Variants in SUGCT observed in about 807,000 individuals in gnomAD.
SUGCT encodes the protein succinyl-CoA:glutarate CoA-transferase.
Under a neutral mutation model 55.0 loss-of-function variants are expected in SUGCT, and 41 were observed. That is an observed-to-expected ratio of 0.74 (90% CI 0.58 to 0.97). The LOEUF is 0.97. Ranked by LOEUF, SUGCT falls within the 50% of genes least tolerant of loss-of-function variation. SUGCT has a pLI of 0.00. For synonymous variants in SUGCT, 187 were observed against 200.4 expected (o/e 0.93, Z 0.56); for missense variants, 568 against 547.8 (o/e 1.04, Z -0.37).
chr7:40,771,873 C>T (rs1002784352), intron 13 of SUGCT, among the ~76,000 whole-genome samples: 2 of 152,162 alleles, frequency 1.3e-5, no homozygotes, highest in Non-Finnish European at 2.9e-5. Flanking sequence ...GTTATTTCTT[C>T]AGGGTATTCG....
chr7:40,183,684 G>T (rs534957513), intron 3 of SUGCT, among the ~76,000 whole-genome samples: 2 of 152,096 alleles, frequency 1.3e-5, no homozygotes, highest in Non-Finnish European at 2.9e-5. Context: ...AATTTTAAAG[G>T]TTTTGAAGCG....
At chr7:40,446,898 G>C (rs1788869798) in intron 9 of SUGCT, among the ~76,000 whole-genome samples, 1 of 152,160 alleles carries the variant, frequency 6.6e-6, no homozygotes. Flanking sequence ...TTGAATGCTT[G>C]ATATTTAGCT....
At position 40,778,109 on chromosome 7, in the gene SUGCT, A is replaced by G. The variant is rs536969098; in HGVS notation, c.1153+28612A>G. ...AGAGGACTGGGACACAGCATCTCTG[A>G]TCATAGTGTCACATGGACTGAAAGC... is the stretch of plus-strand genomic sequence containing the variant. On this transcript the variant is annotated intron_variant, in intron 13 of 13. Transcript: ENST00000335693. Among the ~76,000 whole-genome samples, 6 of 152,322 alleles carry G rather than the reference A, an allele frequency of 3.9e-5. No homozygotes were observed. In the East Asian group the frequency reaches 1.2e-3, roughly 29 times the overall value.
chr7:40,875,253 G>A, the SUGCT span, among the ~76,000 whole-genome samples: 2 of 152,194 alleles, frequency 1.3e-5, no homozygotes, highest in African/African-American at 2.4e-5. Flanking sequence ...GGACTGTTGA[G>A]AAAACTCACT....
the SUGCT span, among the ~76,000 whole-genome samples, chr7:40,949,248 G>A: frequency 4.1e-4 from 63 of 152,330 alleles, no homozygotes; most frequent in Middle Eastern, 0.01. Flanking sequence ...CTGCATAAAT[G>A]TCTTCTTTTG....
the SUGCT span, among the ~76,000 whole-genome samples, chr7:40,983,531 C>T: frequency 8.0e-4 from 122 of 152,296 alleles, 1 homozygote; most frequent in African/African-American, 2.9e-3. Context: ...CTGGTGCTCA[C>T]TTAGTGAGAC....
intron 12 of SUGCT, among the ~76,000 whole-genome samples, chr7:40,613,819 A>G (rs912348989): frequency 6.6e-6 from 1 of 152,122 alleles, no homozygotes; most frequent in Non-Finnish European, 1.5e-5. Flanking sequence ...CATGTTGGTC[A>G]GGCTGGTCTC....
At chr7:40,648,839 G>T (rs539584425) in intron 12 of SUGCT, among the ~76,000 whole-genome samples, 6 of 152,306 alleles carry the variant, frequency 3.9e-5, no homozygotes, top group Non-Finnish European at 7.4e-5. Flanking sequence ...CCTTCAGAGG[G>T]AGCACGGGCC....
intron 12 of SUGCT, among the ~76,000 whole-genome samples, chr7:40,724,132 A>C (rs1482617905): frequency 1.3e-5 from 2 of 152,222 alleles, no homozygotes; most frequent in Non-Finnish European, 2.9e-5. Flanking sequence ...TTAAGGCAAA[A>C]AAAATGAGCA....
chr7:40,249,875 C>T (rs1157904629), intron 7 of SUGCT, among the ~76,000 whole-genome samples: 1 of 152,130 alleles, frequency 6.6e-6, no homozygotes, highest in East Asian at 1.9e-4. Flanking sequence ...CAACCTCTGC[C>T]TCCTGGGTTC....
At chr7:40,513,101 C>T (rs984449125) in intron 12 of SUGCT, among the ~76,000 whole-genome samples, 2 of 152,054 alleles carry the variant, frequency 1.3e-5, no homozygotes, top group African/African-American at 4.8e-5. Context: ...CATGGTGGAG[C>T]TTTAGTTTAG....
the SUGCT span, among the ~76,000 whole-genome samples, chr7:40,897,857 ACTCTGTAAAACAGACCAATCAGCT>A: frequency 6.6e-6 from 1 of 152,202 alleles, no homozygotes; most frequent in East Asian, 1.9e-4. Context: ...ACCAATCAGC[ACTCTGTAAAACAGACCAATCAGCT>A]CTCTGTAAAA....
chr7:40,963,579 T>C, the SUGCT span, among the ~76,000 whole-genome samples: 1 of 152,228 alleles, frequency 6.6e-6, no homozygotes, highest in Non-Finnish European at 1.5e-5. Flanking sequence ...CTCTGTTAAA[T>C]TAAATGGAAT....
At chr7:40,657,263 G>A (rs1164431142) in intron 12 of SUGCT, among the ~76,000 whole-genome samples, 1 of 151,966 alleles carries the variant, frequency 6.6e-6, no homozygotes, top group East Asian at 1.9e-4. Context: ...TTTCCCCTTG[G>A]TGAGTAAGAA....
At chr7:40,969,571 G>C in the SUGCT span, among the ~76,000 whole-genome samples, 1 of 152,012 alleles carries the variant, frequency 6.6e-6, no homozygotes, top group South Asian at 2.1e-4. Flanking sequence ...TGTCCAGGCT[G>C]GTCTTGAACT....
intron 8 of SUGCT, among the ~76,000 whole-genome samples, chr7:40,315,782 C>G (rs112970971): frequency 2.0e-4 from 31 of 152,232 alleles, no homozygotes; most frequent in Non-Finnish European, 3.4e-4. Flanking sequence ...GAAAAGCAAG[C>G]CGGTGCTATA....
chr7:40,162,306 T>A (rs1289138523), intron 1 of SUGCT, among the ~76,000 whole-genome samples: 1 of 152,154 alleles, frequency 6.6e-6, no homozygotes, highest in Admixed American at 6.6e-5. Flanking sequence ...TAAACCAAGG[T>A]GAGAATAAGA....
chr7:40,205,735 T>C (rs371382847), intron 6 of SUGCT, among the ~76,000 whole-genome samples: 8 of 152,004 alleles, frequency 5.3e-5, no homozygotes, highest in African/African-American at 1.9e-4. Flanking sequence ...TACCCTCTCA[T>C]GACACAGCTT....
chr7:40,623,209 C>G (rs565985318), intron 12 of SUGCT, among the ~76,000 whole-genome samples: 1 of 152,318 alleles, frequency 6.6e-6, no homozygotes, highest in East Asian at 1.9e-4. Flanking sequence ...GCCCATCTCT[C>G]CATGCCAGGG....
Sources: allele counts gnomAD v4.1 joint callset (sites outside exome capture counted in the v4.1 genomes callset), GRCh38; gene constraint gnomAD v4.1.1; transcripts MANE v1.5; gene names NCBI Gene and HGNC (gene_info 2026-07-23, HGNC 2026-07-21).